Variants in NTRK3 observed in about 807,000 individuals in gnomAD.
NTRK3 encodes the protein neurotrophic receptor tyrosine kinase 3, also known as NT-3 growth factor receptor.
In NTRK3, 24 loss-of-function variants were observed where a neutral mutation model predicts 91.7. That is an observed-to-expected ratio of 0.26 (90% CI 0.19 to 0.37). The LOEUF (loss-of-function observed/expected upper bound fraction) is 0.37. Ranked by LOEUF, NTRK3 falls within the 10% of genes least tolerant of loss-of-function variation. The pLI is 1.00. For synonymous variants in NTRK3, 483 were observed against 404.0 expected (o/e 1.20, Z -2.34); for missense variants, 880 against 1,068.9 (o/e 0.82, Z 2.46).
intron 13 of NTRK3, among the ~76,000 whole-genome samples, chr15:88,065,923 T>C (rs916198567): frequency 2.0e-5 from 3 of 152,178 alleles, no homozygotes; most frequent in Non-Finnish European, 2.9e-5. Flanking sequence ...AAGAGAGACC[T>C]TGATTTACAG....
chr15:87,976,176 C>T (rs1054364353), intron 14 of NTRK3, among the ~76,000 whole-genome samples: 1 of 152,178 alleles, frequency 6.6e-6, no homozygotes, highest in Non-Finnish European at 1.5e-5. Context: ...ACAGCCTCAA[C>T]CCTTCAGGCA....
At chr15:88,110,652 T>C (rs752517290) in intron 13 of NTRK3, among the ~76,000 whole-genome samples, 2 of 152,114 alleles carry the variant, frequency 1.3e-5, no homozygotes, top group Non-Finnish European at 2.9e-5. Context: ...AATGTTCCTG[T>C]CAATAACTGT....
intron 17 of NTRK3, chr15:87,927,389 G>C (rs2068410061): frequency 6.6e-6 from 1 of 152,174 alleles, no homozygotes; most frequent in African/African-American, 2.4e-5. Flanking sequence ...TAGGCCATCA[G>C]GAACATCAAG....
chr15:88,052,495 G>T (rs111467414), intron 13 of NTRK3, among the ~76,000 whole-genome samples: 5 of 152,340 alleles, frequency 3.3e-5, no homozygotes, highest in African/African-American at 1.2e-4. Context: ...GCCCATGGGC[G>T]TCTTTCAAAG....
chr15:87,986,690 C>A (rs1399196480), intron 14 of NTRK3, among the ~76,000 whole-genome samples: 1 of 152,216 alleles, frequency 6.6e-6, no homozygotes, highest in Non-Finnish European at 1.5e-5. Context: ...CCAACTGACA[C>A]TTGTTTCTAT....
chr15:87,948,994 A>T (rs2070837700), intron 14 of NTRK3, among the ~76,000 whole-genome samples: 1 of 152,324 alleles, frequency 6.6e-6, no homozygotes, highest in Non-Finnish European at 1.5e-5. Context: ...GCCAAAAGTC[A>T]AAAGGCATGT....
intron 13 of NTRK3, among the ~76,000 whole-genome samples, chr15:88,043,546 A>T (rs1015541401): frequency 6.6e-6 from 1 of 152,176 alleles, no homozygotes; most frequent in Non-Finnish European, 1.5e-5. Context: ...TACAGTCCTC[A>T]TGCCTCCACC....
chr15:88,106,863 G>A (rs183332747), intron 13 of NTRK3, among the ~76,000 whole-genome samples: 145 of 152,026 alleles, frequency 9.5e-4, no homozygotes, highest in African/African-American at 3.4e-3. Context: ...AACCTGGGAG[G>A]TGGAGGTTGC....
chr15:88,071,865 C>T (rs534274799), intron 13 of NTRK3, among the ~76,000 whole-genome samples: 2 of 152,286 alleles, frequency 1.3e-5, no homozygotes, highest in East Asian at 3.9e-4. Flanking sequence ...CTCCTTGCCT[C>T]TGTCCAGCTT....
chr15:88,043,827 T>G (rs897036835), intron 13 of NTRK3, among the ~76,000 whole-genome samples: 3 of 152,184 alleles, frequency 2.0e-5, no homozygotes, highest in African/African-American at 7.2e-5. Context: ...CTGGAGGAAC[T>G]TGGGGTCTTA....
At chr15:87,977,005 C>T (rs2073781885) in intron 14 of NTRK3, among the ~76,000 whole-genome samples, 1 of 152,198 alleles carries the variant, frequency 6.6e-6, no homozygotes, top group Admixed American at 6.5e-5. Flanking sequence ...GAACATTCCC[C>T]AGCTACCAAA....
intron 14 of NTRK3, chr15:87,979,184 C>T (rs889020622): frequency 1.5e-5 from 10 of 684,020 alleles, no homozygotes; most frequent in African/African-American, 1.1e-4. Context: ...TGGGGGAAAA[C>T]ACCCATCTGG....
intron 3 of NTRK3, among the ~76,000 whole-genome samples, chr15:88,219,609 T>C (rs1289071164): frequency 6.6e-6 from 1 of 152,258 alleles, no homozygotes; most frequent in Non-Finnish European, 1.5e-5. Context: ...AAACTTCTAC[T>C]AGCCCAGCTG....
exon 19 of NTRK3, chr15:87,870,538 T>C (rs1380496738): frequency 9.6e-6 from 2 of 208,054 alleles, no homozygotes; most frequent in Non-Finnish European, 2.0e-5. Flanking sequence ...AAGAACTTAC[T>C]CATGTAACCA....
Position 88,241,300 on chromosome 15 carries a change from A to C in NTRK3, c.248+14606T>G, listed in dbSNP as rs1183847677. 6.6e-6 allele frequency among the ~76,000 whole-genome samples: 1 copy of C among 152,182 alleles called. No homozygotes were observed. The highest frequency in any genetic ancestry group is 1.5e-5 in the Non-Finnish European group (1 of 68,024). On this transcript the variant is annotated intron_variant, in intron 3 of 18. Transcript: ENST00000394480. The surrounding 1 kb of genome is among the most constrained non-coding windows in gnomAD (Gnocchi z 4.3). ...GTCAGAGCATGCCTGCCCAGACAGC[A>C]GGCAACAGCAGTCCTGAGTGAGTGA... is the stretch of plus-strand genomic sequence containing the variant.
At chr15:87,966,252 G>A (rs542388844) in intron 14 of NTRK3, among the ~76,000 whole-genome samples, 13 of 152,290 alleles carry the variant, frequency 8.5e-5, no homozygotes, top group African/African-American at 3.1e-4. Context: ...ATAATTAGAA[G>A]CACACACACA....
At chr15:88,014,417 C>T (rs8041378) in intron 14 of NTRK3, among the ~76,000 whole-genome samples, 1 of 151,890 alleles carries the variant, frequency 6.6e-6, no homozygotes, top group Admixed American at 6.6e-5. Context: ...ATCTACTAAA[C>T]GAAAAGATAA....
chr15:87,922,178 C>A (rs926996400), intron 17 of NTRK3, among the ~76,000 whole-genome samples: 3 of 152,184 alleles, frequency 2.0e-5, no homozygotes, highest in African/African-American at 7.2e-5. Context: ...ATCTCACAGA[C>A]CACTGGCTCT....
intron 13 of NTRK3, 82 bp downstream of exon 13, chr15:88,126,189 G>A (rs2053266042): frequency 1.9e-6 from 2 of 1,048,348 alleles, no homozygotes; most frequent in South Asian, 2.6e-5. Flanking sequence ...AGAGAGCAAT[G>A]GGAGATTAAA....
Sources: allele counts gnomAD v4.1 joint callset (sites outside exome capture counted in the v4.1 genomes callset), GRCh38; gene constraint gnomAD v4.1.1; non-coding constraint Gnocchi (gnomAD v3.1); transcripts MANE v1.5; gene names NCBI Gene and HGNC (gene_info 2026-07-23, HGNC 2026-07-21).